FBXW10B: variants seen among roughly 807,000 people sequenced by gnomAD.
The protein encoded by FBXW10B is F-box and WD repeat domain containing 10B, also known as F-box and WD repeat domain containing protein 10B.
At chr17:15,593,512 T>A in the FBXW10B span, 3 of 1,613,558 alleles carry the variant, frequency 1.9e-6, no homozygotes, top group Non-Finnish European at 2.5e-6. Flanking sequence ...GGGAACAGAG[T>A]AGCAGGCAGT....
At chr17:15,568,461 G>A in the FBXW10B span, among the ~76,000 whole-genome samples, 4 of 152,218 alleles carry the variant, frequency 2.6e-5, no homozygotes, top group African/African-American at 7.2e-5. Context: ...CAGGGAATGC[G>A]TCTTGAAGCT....
At chr17:15,576,072 C>T in the FBXW10B span, among the ~76,000 whole-genome samples, 1 of 152,182 alleles carries the variant, frequency 6.6e-6, no homozygotes, top group Non-Finnish European at 1.5e-5. Flanking sequence ...AGTTTCTGTT[C>T]ATGTTCTCCT....
At chr17:15,617,601 C>A in the FBXW10B span, among the ~76,000 whole-genome samples, 2 of 152,134 alleles carry the variant, frequency 1.3e-5, no homozygotes, top group African/African-American at 4.8e-5. Flanking sequence ...GGTGCCCTTC[C>A]CACAGTAATG....
At chr17:15,567,751 A>G in the FBXW10B span, among the ~76,000 whole-genome samples, 3,939 of 152,312 alleles carry the variant, frequency 0.026, 173 homozygotes, top group African/African-American at 0.089. Flanking sequence ...ATATAATAAT[A>G]AGATCGCTAA....
chr17:15,615,606 C>T, the FBXW10B span: 1 of 1,612,968 alleles, frequency 6.2e-7, no homozygotes, highest in African/African-American at 1.3e-5. Flanking sequence ...AGCCACCGCA[C>T]CTAGCCCATA....
the FBXW10B span, chr17:15,605,222 C>G: frequency 6.3e-7 from 1 of 1,592,708 alleles, no homozygotes; most frequent in African/African-American, 1.4e-5. Context: ...GGACTCCTCA[C>G]CTGATACTTA....
the FBXW10B span, among the ~76,000 whole-genome samples, chr17:15,601,408 CAAA>C: frequency 7.5e-5 from 5 of 66,614 alleles, no homozygotes; most frequent in African/African-American, 1.5e-4. Flanking sequence ...GACTCCGTCT[CAAA>C]AAAAAAAAAA....
At chr17:15,601,528 G>C in the FBXW10B span, among the ~76,000 whole-genome samples, 1 of 151,728 alleles carries the variant, frequency 6.6e-6, no homozygotes, top group Non-Finnish European at 1.5e-5. Context: ...AAAATCAATT[G>C]CATTTCTCTA....
At chr17:15,611,308 C>T in the FBXW10B span, among the ~76,000 whole-genome samples, 20 of 152,306 alleles carry the variant, frequency 1.3e-4, no homozygotes, top group East Asian at 5.8e-4. Context: ...AGGCGTGAGC[C>T]GCTGCACCTG....
chr17:15,597,095 C>T, the FBXW10B span, among the ~76,000 whole-genome samples: 2 of 151,692 alleles, frequency 1.3e-5, no homozygotes, highest in Admixed American at 1.3e-4. Flanking sequence ...GTAGTGTTGT[C>T]ATTTTTCCCA....
the FBXW10B span, among the ~76,000 whole-genome samples, chr17:15,579,213 GAATGT>G: frequency 6.6e-6 from 1 of 151,954 alleles, no homozygotes; most frequent in African/African-American, 2.4e-5. Context: ...TCCACGTTCT[GAATGT>G]AATTATGCCA....
the FBXW10B span, among the ~76,000 whole-genome samples, chr17:15,566,925 T>A: frequency 1.6e-4 from 24 of 151,668 alleles, no homozygotes; most frequent in Non-Finnish European, 2.5e-4. Context: ...CCTCTAAGTG[T>A]GCATATTTTG....
the FBXW10B span, among the ~76,000 whole-genome samples, chr17:15,601,752 G>A: frequency 6.6e-6 from 1 of 152,132 alleles, no homozygotes; most frequent in Admixed American, 6.5e-5. Flanking sequence ...GTCTAGTTAG[G>A]TTTTATTGAA....
chr17:15,608,459 T>C, the FBXW10B span, among the ~76,000 whole-genome samples: 13 of 142,576 alleles, frequency 9.1e-5, no homozygotes. Flanking sequence ...CAGGCCCGGC[T>C]GCAATTTTTT....
chr17:15,601,008 G>A, the FBXW10B span, among the ~76,000 whole-genome samples: 39 of 103,542 alleles, frequency 3.8e-4, 1 homozygote, highest in African/African-American at 2.3e-4. Context: ...CCGAGATCGC[G>A]TCACAGCACT....
the FBXW10B span, chr17:15,593,255 G>A: frequency 6.2e-7 from 1 of 1,601,862 alleles, no homozygotes; most frequent in Non-Finnish European, 8.5e-7. Context: ...AGCAAATCCA[G>A]GGCTGGTATC....
At chr17:15,570,837 C>A in the FBXW10B span, among the ~76,000 whole-genome samples, 2 of 152,176 alleles carry the variant, frequency 1.3e-5, no homozygotes, top group African/African-American at 4.8e-5. Context: ...CGGCAGAGGA[C>A]TCTTCGATAA....
At chr17:15,594,578 A>G in the FBXW10B span, 1 of 823,224 alleles carries the variant, frequency 1.2e-6, no homozygotes, top group East Asian at 2.7e-5. Context: ...GACAGAGAAG[A>G]TGGTGGGGAA....
At chr17:15,569,443 CTTTT>C in the FBXW10B span, among the ~76,000 whole-genome samples, 2 of 118,388 alleles carry the variant, frequency 1.7e-5, no homozygotes, top group African/African-American at 3.1e-5. Context: ...TTCTTTTTTT[CTTTT>C]TCTTTTTCTT....
Sources: gnomAD v4.1 joint callset for allele counts (sites outside exome capture counted in the v4.1 genomes callset) on GRCh38, gnomAD v4.1.1 for gene constraint, MANE v1.5 for transcripts, NCBI Gene and HGNC (gene_info 2026-07-23, HGNC 2026-07-21) for gene names.